The following LRP12 variants were observed in gnomAD, a reference collection of about 807,000 sequenced individuals.
The protein encoded by LRP12 is LDL receptor related protein 12.
In LRP12, 14 loss-of-function variants were observed where a neutral mutation model predicts 66.0. That is an observed-to-expected ratio of 0.21 (90% CI 0.14 to 0.33). LRP12 has a LOEUF of 0.33. Among genes scored for constraint, LRP12 ranks in the 10% least tolerant of loss-of-function variants. The probability of loss-of-function intolerance (pLI) is 1.00; values close to 1 mark genes in which losing one functional copy is unlikely to be tolerated. For missense variants in LRP12, 889 were observed against 1,053.4 expected, an observed-to-expected ratio of 0.84 and a Z score of 2.16; for synonymous variants, 357 against 359.1, an observed-to-expected ratio of 0.99 and a Z score of 0.07.
At chr8:104,491,965 G>A (rs936289184) in intron 6 of LRP12, among the ~76,000 whole-genome samples, 2 of 151,552 alleles carry the variant, frequency 1.3e-5, no homozygotes, top group East Asian at 1.9e-4. Context: ...TGAAAACGAG[G>A]ACTTTTATCT....
chr8:104,534,820 T>C (rs573396378), intron 1 of LRP12, among the ~76,000 whole-genome samples: 1 of 151,968 alleles, frequency 6.6e-6, no homozygotes, highest in East Asian at 1.9e-4. Context: ...TTTCAATTAT[T>C]TCTAGGTTAC....
intron 1 of LRP12, among the ~76,000 whole-genome samples, chr8:104,532,620 A>C (rs1048091350): frequency 2.0e-5 from 3 of 152,252 alleles, no homozygotes; most frequent in African/African-American, 7.2e-5. Flanking sequence ...CGAACAGACA[A>C]AGAATTCTCC....
chr8:104,494,354 C>T (rs942677532), intron 6 of LRP12, among the ~76,000 whole-genome samples: 1 of 152,142 alleles, frequency 6.6e-6, no homozygotes, highest in African/African-American at 2.4e-5. Context: ...AGACTGTAAT[C>T]AGAACTCACA....
chr8:104,551,430 T>G (rs1218651786), intron 1 of LRP12, among the ~76,000 whole-genome samples: 2 of 152,106 alleles, frequency 1.3e-5, no homozygotes, highest in African/African-American at 4.8e-5. Flanking sequence ...ATGGGTAGAT[T>G]GTGTGATGCT....
At position 104,489,326 on chromosome 8, in the gene LRP12, C is replaced by T. The variant is rs1034137482; in HGVS notation, c.*1347G>A. On this transcript the variant is annotated 3_prime_UTR_variant, in exon 7 of 7. Coordinates refer to ENST00000276654, the MANE Select transcript of LRP12 (RefSeq NM_013437.5). ...AGTCAGTTCCTCCTGACAGCATTAA[C>T]ACAGACAAATACACAAGACTTCAAA... The T allele has an allele frequency of 6.6e-6, 1 of 152,480 alleles. No homozygotes were observed. Among genetic ancestry groups the T allele is most frequent in the African/African-American group, 2.4e-5 (1 of 41,430 alleles). 9.4% of individuals were successfully genotyped at this position (152,480 alleles called of 1,614,324 possible).
chr8:104,539,570 T>C (rs1811442579), intron 1 of LRP12, among the ~76,000 whole-genome samples: 1 of 152,238 alleles, frequency 6.6e-6, no homozygotes, highest in African/African-American at 2.4e-5. Context: ...ACAAATGACT[T>C]ATGAATCTTA....
At chr8:104,580,374 A>T (rs1297822352) in intron 1 of LRP12, among the ~76,000 whole-genome samples, 18 of 151,458 alleles carry the variant, frequency 1.2e-4, no homozygotes, top group African/African-American at 3.9e-4. Context: ...AAAAAAAAAA[A>T]AAAAAATTAG....
intron 4 of LRP12, among the ~76,000 whole-genome samples, chr8:104,498,898 A>G (rs564552002): frequency 2.0e-5 from 3 of 152,308 alleles, no homozygotes; most frequent in South Asian, 4.1e-4. Context: ...ACAATTTAAG[A>G]AAAGAAAAGA....
intron 2 of LRP12, among the ~76,000 whole-genome samples, chr8:104,531,553 T>G (rs1165833901): frequency 6.6e-6 from 1 of 152,132 alleles, no homozygotes; most frequent in African/African-American, 2.4e-5. Context: ...TCTAAGGCTC[T>G]AATCCTAGGG....
intron 3 of LRP12, among the ~76,000 whole-genome samples, chr8:104,500,658 G>A (rs112514030): frequency 5.3e-5 from 8 of 152,306 alleles, no homozygotes; most frequent in African/African-American, 1.4e-4. Flanking sequence ...AGCCGAGACT[G>A]TGCCACTGCA....
chr8:104,547,785 AATAT>A (rs1210813248), intron 1 of LRP12, among the ~76,000 whole-genome samples: 1 of 129,208 alleles, frequency 7.7e-6, no homozygotes, highest in Non-Finnish European at 1.6e-5. Flanking sequence ...TTTTGTATAT[AATAT>A]ATAATTATAT....
rs192820935 is a variant in LRP12 at position 104,565,116 on chromosome 8, C to A, written c.79+23703G>T. ...ACTTAATAGTTCTAAATGGATGAAA[C>A]CTTCAGGATAAAATGGATTTAAAAC... On this transcript the variant is annotated intron_variant, in intron 1 of 6. Coordinates refer to ENST00000276654, the MANE Select transcript of LRP12 (RefSeq NM_013437.5). Among the ~76,000 whole-genome samples the A allele has an allele frequency of 6.4e-3, 970 of 151,880 alleles. 13 individuals are homozygous for A. Among genetic ancestry groups the A allele is most frequent in the African/African-American group, 0.021 (883 of 41,396 alleles).
chr8:104,537,434 G>A (rs1811406426), intron 1 of LRP12, among the ~76,000 whole-genome samples: 1 of 152,106 alleles, frequency 6.6e-6, no homozygotes, highest in South Asian at 2.1e-4. Context: ...ACCACTGAAA[G>A]CTTAAATAAA....
intron 1 of LRP12, among the ~76,000 whole-genome samples, chr8:104,536,525 A>T (rs1811394725): frequency 6.6e-6 from 1 of 152,116 alleles, no homozygotes. Flanking sequence ...AGCAGGGAAT[A>T]CTTAGTCCAT....
chr8:104,496,682 A>G (rs1035705279), intron 5 of LRP12, among the ~76,000 whole-genome samples: 1 of 152,202 alleles, frequency 6.6e-6, no homozygotes, highest in East Asian at 1.9e-4. Context: ...ACAGGTTAAA[A>G]CACTAAAACT....
chr8:104,525,385 G>T (rs1162214875), intron 2 of LRP12, among the ~76,000 whole-genome samples: 2 of 151,902 alleles, frequency 1.3e-5, no homozygotes, highest in African/African-American at 4.8e-5. Flanking sequence ...GAGCAAAAAG[G>T]CAAAGATTTA....
Position 104,491,016 on chromosome 8 carries a change from C to T in LRP12, c.2237G>A (p.Arg746Gln), listed in dbSNP as rs765033183. Residue 746 changes from arginine (R) to glutamine (Q), a missense_variant, in exon 7 of 7, where the codon CGA becomes CAA. This residue lies in a region of LRP12 where 800 missense variants were observed against 964.5 expected (regional missense o/e 0.83). Transcript: ENST00000276654. Reference protein sequence around the residue: ...GLRWVRFTLGRSSSLSQNQSP... With the variant: ...GLRWVRFTLGQSSSLSQNQSP... ...CTGGTTCTGACTTAGGGAACTTGATCGTCCTAATGTAAAACGTACCCAGCG... is the reference window on the plus strand; with the variant it reads ...CTGGTTCTGACTTAGGGAACTTGATTGTCCTAATGTAAAACGTACCCAGCG... 5.0e-6 allele frequency: 8 copies of T among 1,614,098 alleles called. No individual in the cohort carries two copies. The highest frequency in any genetic ancestry group is 4.4e-5 in the South Asian group (4 of 91,078).
At chr8:104,503,476 G>GT (rs1010073105) in intron 3 of LRP12, among the ~76,000 whole-genome samples, 2 of 150,936 alleles carry the variant, frequency 1.3e-5, no homozygotes, top group Admixed American at 1.3e-4. Flanking sequence ...TTACTTTTTG[G>GT]TTTTTTAAAT....
chr8:104,544,218 A>G (rs1811522036), intron 1 of LRP12, among the ~76,000 whole-genome samples: 1 of 152,208 alleles, frequency 6.6e-6, no homozygotes, highest in South Asian at 2.1e-4. Context: ...CTTCAATTCT[A>G]CGAAGGCTGA....
Sources: allele counts gnomAD v4.1 joint callset (sites outside exome capture counted in the v4.1 genomes callset), GRCh38; gene constraint gnomAD v4.1.1; regional missense constraint gnomAD v4.1.1; transcripts MANE v1.5; gene names NCBI Gene and HGNC (gene_info 2026-07-23, HGNC 2026-07-21).